Variants in SOX5 observed in about 807,000 individuals in gnomAD.
SOX5 encodes the protein transcription factor SOX-5.
Under a neutral mutation model 92.0 loss-of-function variants are expected in SOX5, and 9 were observed. The observed-to-expected ratio is 0.10, with a 90% CI of 0.06 to 0.17. The LOEUF (loss-of-function observed/expected upper bound fraction) is 0.17. Among genes scored for constraint, SOX5 ranks in the 10% least tolerant of loss-of-function variants. SOX5 has a pLI of 1.00. For synonymous variants in SOX5, 344 were observed against 336.3 expected (o/e 1.02, Z -0.25); for missense variants, 642 against 944.5 (o/e 0.68, Z 4.20).
chr12:24,330,020 C>A (rs1239582464), intron 2 of SOX5, among the ~76,000 whole-genome samples: 2 of 152,092 alleles, frequency 1.3e-5, no homozygotes, highest in African/African-American at 4.8e-5. Context: ...GAGACTCTCT[C>A]TCAAAACAAA....
At chr12:23,715,606 C>T (rs2092429752) in intron 6 of SOX5, among the ~76,000 whole-genome samples, 2 of 152,090 alleles carry the variant, frequency 1.3e-5, no homozygotes, top group Admixed American at 6.6e-5. Flanking sequence ...CCAATAACAA[C>T]ATTAGTAGTT....
intron 7 of SOX5, among the ~76,000 whole-genome samples, chr12:23,643,868 C>T (rs1487026054): frequency 6.6e-6 from 1 of 152,040 alleles, no homozygotes; most frequent in Non-Finnish European, 1.5e-5. Context: ...TAGACCCTCG[C>T]TTTTCAATGC....
chr12:23,762,592 G>T, intron 3 of SOX5: 1 of 536,692 alleles, frequency 1.9e-6, no homozygotes, highest in Non-Finnish European at 3.3e-6. Flanking sequence ...GAAAGTTAAT[G>T]AGAGCCTGTT....
chr12:24,253,328 T>C (rs1297938277), intron 3 of SOX5, among the ~76,000 whole-genome samples: 1 of 151,070 alleles, frequency 6.6e-6, no homozygotes, highest in African/African-American at 2.4e-5. Flanking sequence ...TTGAAAGGGA[T>C]CTAAGATTCA....
chr12:24,391,587 A>G (rs1041565985), intron 1 of SOX5, among the ~76,000 whole-genome samples: 28 of 152,162 alleles, frequency 1.8e-4, no homozygotes, highest in African/African-American at 5.8e-4. Flanking sequence ...CTATTAATCC[A>G]TATTACCATA....
At chr12:24,335,418 T>C (rs1288094324) in intron 2 of SOX5, among the ~76,000 whole-genome samples, 1 of 152,248 alleles carries the variant, frequency 6.6e-6, no homozygotes, top group East Asian at 1.9e-4. Flanking sequence ...TAGTATATGC[T>C]AGGTACTAAG....
chr12:23,782,765 G>A (rs1473355719), intron 3 of SOX5, among the ~76,000 whole-genome samples: 1 of 152,032 alleles, frequency 6.6e-6, no homozygotes, highest in Non-Finnish European at 1.5e-5. Context: ...TCAGTATTCC[G>A]AACTTAGGAA....
intron 4 of SOX5, among the ~76,000 whole-genome samples, chr12:24,172,628 A>C (rs1447127488): frequency 6.6e-6 from 1 of 152,168 alleles, no homozygotes; most frequent in Non-Finnish European, 1.5e-5. Flanking sequence ...ATTAGTGAGA[A>C]GTGTTGTTCA....
chr12:24,117,029 A>T (rs926357082), intron 4 of SOX5, among the ~76,000 whole-genome samples: 3 of 151,912 alleles, frequency 2.0e-5, no homozygotes, highest in Non-Finnish European at 2.9e-5. Context: ...GAGACCGCCC[A>T]CGAGTTGAGA....
chr12:23,782,376 A>T (rs2095298296), intron 3 of SOX5, among the ~76,000 whole-genome samples: 1 of 152,148 alleles, frequency 6.6e-6, no homozygotes, highest in Non-Finnish European at 1.5e-5. Flanking sequence ...ATCAAGACAT[A>T]ATAGACAAAT....
At chr12:23,723,072 C>T (rs2092909032) in intron 6 of SOX5, among the ~76,000 whole-genome samples, 1 of 152,120 alleles carries the variant, frequency 6.6e-6, no homozygotes, top group Admixed American at 6.6e-5. Context: ...TATCCCTCCT[C>T]TTTTTCTGGC....
At chr12:23,775,175 G>A (rs375576701) in intron 3 of SOX5, among the ~76,000 whole-genome samples, 3 of 152,264 alleles carry the variant, frequency 2.0e-5, no homozygotes, top group African/African-American at 4.8e-5. Flanking sequence ...ATTAGGCATT[G>A]TTTCCTTTTC....
chr12:23,886,354 T>C (rs1293225555), intron 2 of SOX5, among the ~76,000 whole-genome samples: 5 of 152,154 alleles, frequency 3.3e-5, no homozygotes, highest in Non-Finnish European at 7.4e-5. Context: ...TTTAAATAGG[T>C]TGTTATACAA....
intron 10 of SOX5, among the ~76,000 whole-genome samples, chr12:23,566,989 G>A (rs1281449092): frequency 2.6e-5 from 4 of 152,242 alleles, no homozygotes; most frequent in Non-Finnish European, 5.9e-5. Flanking sequence ...TGAAGGAAGA[G>A]ATAGCACTTG....
chr12:23,917,251 A>G (rs1185405124), intron 1 of SOX5, among the ~76,000 whole-genome samples: 1 of 152,130 alleles, frequency 6.6e-6, no homozygotes, highest in African/African-American at 2.4e-5. Flanking sequence ...TATTAAAAAG[A>G]AACTTCTGGC....
chr12:24,373,675 T>C (rs117951761), intron 1 of SOX5, among the ~76,000 whole-genome samples: 1 of 152,208 alleles, frequency 6.6e-6, no homozygotes, highest in Non-Finnish European at 1.5e-5. Context: ...GATATCAAAA[T>C]GGATATATAT....
intron 4 of SOX5, among the ~76,000 whole-genome samples, chr12:24,203,958 T>A (rs1052456207): frequency 7.9e-5 from 12 of 152,148 alleles, no homozygotes; most frequent in Non-Finnish European, 1.6e-4. Flanking sequence ...ATGTGAAATA[T>A]TAACACAGTT....
intron 4 of SOX5, among the ~76,000 whole-genome samples, chr12:24,120,247 G>A (rs907853935): frequency 6.6e-6 from 1 of 152,096 alleles, no homozygotes; most frequent in Non-Finnish European, 1.5e-5. Context: ...ACTGCTGAAC[G>A]GTTTCCTGAG....
intron 6 of SOX5, among the ~76,000 whole-genome samples, chr12:23,701,639 A>G (rs905595828): frequency 3.3e-5 from 5 of 152,072 alleles, no homozygotes; most frequent in African/African-American, 1.2e-4. Flanking sequence ...ATATTATTGT[A>G]TAGTTACTTA....
Sources: gnomAD v4.1 joint callset for allele counts (sites outside exome capture counted in the v4.1 genomes callset) on GRCh38, gnomAD v4.1.1 for gene constraint, MANE v1.5 for transcripts, NCBI Gene and HGNC (gene_info 2026-07-23, HGNC 2026-07-21) for gene names.